Variants in DAPK3 observed in about 807,000 individuals in gnomAD.
The protein encoded by DAPK3 is death associated protein kinase 3.
A neutral mutation model predicts 30.6 loss-of-function variants in DAPK3; 24 were observed. The observed-to-expected ratio is 0.78, with a 90% CI of 0.57 to 1.10. The LOEUF is 1.10. DAPK3 is among the 50% of genes least tolerant of loss of function. DAPK3 has a pLI of 0.00. For missense variants in DAPK3, 629 were observed against 657.3 expected (o/e 0.96, Z 0.47); for synonymous variants, 341 against 284.0 (o/e 1.20, Z -2.02).
chr19:3,961,357 C>T (rs948758601), intron 6 of DAPK3, 196 bp from the exon 7 acceptor site: 8 of 727,298 alleles, frequency 1.1e-5, no homozygotes, highest in African/African-American at 1.7e-5. Flanking sequence ...AATCCACCCC[C>T]CCACCCCGCC....
rs771988226 is a variant in DAPK3, at chr19:3,959,590, G to A, written c.876C>T (p.Pro292=). The change falls in exon 9 of 9, where the codon CCC becomes CCT. Residue 292 remains proline, a synonymous_variant. Coordinates refer to ENST00000545797, the MANE Select transcript of DAPK3 (RefSeq NM_001348.3). ...GCGTGGTCTTCAGGCGCCGCCGCTC[G>A]GGCTTGCGGCCGCTGTCCTCACCAC... The part of the protein sequence containing the change: ...NVRGEDSGRK[P]ERRRLKTTRL... 8 of 1,586,586 alleles carry A rather than the reference G, an allele frequency of 5.0e-6. No homozygotes were observed. In the African/African-American group the frequency reaches 8.0e-5, roughly 16 times the overall value.
chr19:3,960,712 G>C (rs1174399503), intron 7 of DAPK3, among the ~76,000 whole-genome samples: 1 of 149,042 alleles, frequency 6.7e-6, no homozygotes, highest in East Asian at 2.0e-4. Flanking sequence ...CCGGGAGGCA[G>C]AGGCTGCAGT....
chr19:3,967,094 CA>C (rs2039585906), intron 2 of DAPK3, among the ~76,000 whole-genome samples: 1 of 152,190 alleles, frequency 6.6e-6, no homozygotes, highest in Admixed American at 6.5e-5. Context: ...ACAACCCAGA[CA>C]CGACCCAAGC....
chr19:3,967,994 A>C (rs1468639889), intron 2 of DAPK3, among the ~76,000 whole-genome samples: 1 of 152,144 alleles, frequency 6.6e-6, no homozygotes, highest in African/African-American at 2.4e-5. Flanking sequence ...TAAAATTATG[A>C]ATTTCTGTTT....
chr19:3,965,460 T>C (rs2039567515), intron 2 of DAPK3, among the ~76,000 whole-genome samples: 1 of 151,910 alleles, frequency 6.6e-6, no homozygotes, highest in African/African-American at 2.4e-5. Flanking sequence ...CTACCAAAAA[T>C]ACAAAAAATT....
At position 3,964,635 on chromosome 19, in the gene DAPK3, A is replaced by G; in HGVS notation, c.419T>C (p.Leu140Pro). The G allele has an allele frequency of 6.4e-7, 1 of 1,572,782 alleles. No individual in the cohort carries two copies. Among genetic ancestry groups the G allele is most frequent in the South Asian group, 1.1e-5 (1 of 90,382 alleles). Residue 140 changes from leucine to proline, a missense_variant, in exon 3 of 9, where the codon CTG becomes CCG. By Grantham distance (98) the Leu-to-Pro change is moderately conservative. This residue lies in a region of DAPK3 where 306 missense variants were observed against 378.5 expected (regional missense o/e 0.81). Transcript: ENST00000545797. ...ACAGGGCCCTACAGGGCTCACCTTC[A>G]GGTCAAAGTGTGCGATGCGCTTAGA... ...LHSKRIAHFD[L>P]KPENIMLLDK...
intron 8 of DAPK3, 163 bp from the exon 9 acceptor site, chr19:3,959,800 G>T (rs1159910372): frequency 1.2e-6 from 1 of 843,230 alleles, no homozygotes; most frequent in Non-Finnish European, 1.8e-6. Flanking sequence ...GTGCTCTCTC[G>T]AGAAAAACGC....
chr19:3,964,305 G>C lies in DAPK3; in HGVS notation c.492C>G (p.Ile164Met). 6.2e-7 allele frequency: 1 copy of C among 1,613,362 alleles called. No homozygotes were observed. The highest frequency in any genetic ancestry group is 1.1e-5 in the South Asian group (1 of 91,068). Residue 164 changes from isoleucine (I) to methionine (M), a missense_variant, in exon 4 of 9, where the codon ATC becomes ATG. Coordinates refer to ENST00000545797, the MANE Select transcript of DAPK3 (RefSeq NM_001348.3). ...NPRIKLIDFG[I>M]AHKIEAGNEF... ...CGTTCCCCGCCTCGATCTTGTGCGC[G>C]ATGCCGAAGTCGATGAGCTTGATTC...
At position 3,964,882 on chromosome 19, in the gene DAPK3, G is replaced by A. The variant is rs779973024; in HGVS notation, c.172C>T (p.Arg58Trp). 16 of 1,610,844 alleles carry A rather than the reference G, an allele frequency of 9.9e-6. No individual in the cohort carries two copies. Among genetic ancestry groups the A allele is most frequent in the South Asian group, 2.2e-5 (2 of 90,988 alleles). The change falls in exon 3 of 9, where the codon CGG becomes TGG. Residue 58 changes from arginine to tryptophan, a missense_variant. By Grantham distance (101) the Arg-to-Trp change is moderately radical (BLOSUM62 -3). Coordinates refer to ENST00000545797, the MANE Select transcript of DAPK3 (RefSeq NM_001348.3). ...TTCACCTCCCGCTCGATCTCCTCCC[G>A]GCTCACCCCACGCCGGCTGGATGAC... is the stretch of plus-strand genomic sequence containing the variant. ...RLSSSRRGVS[R>W]EEIEREVNIL...
chr19:3,958,537 G>A lies in DAPK3; in HGVS notation c.*564C>T, dbSNP rs1192060876. The A allele has an allele frequency of 2.2e-6, 1 of 456,694 alleles. No homozygotes were observed. The highest frequency in any genetic ancestry group is 1.5e-5 in the South Asian group (1 of 64,548). The allele number at this position is 456,694 out of a possible 1,614,324, so 28.3% of individuals were successfully genotyped here. On this transcript the variant is annotated 3_prime_UTR_variant, in exon 9 of 9. Coordinates refer to ENST00000545797, the MANE Select transcript of DAPK3 (RefSeq NM_001348.3). ...CCACAGGCGCGACGATGGGGCTCGC[G>A]GAGGAGTCCGCAGCAGGGCACCCCA...
chr19:3,959,021 G>A lies in DAPK3; in HGVS notation c.*80C>T. On this transcript the variant is annotated 3_prime_UTR_variant, in exon 9 of 9. Transcript: ENST00000545797. ...GGCAAGGACAGGCACCCGGGCGATG[G>A]GAGGCGCAGCGTCCACAGGAAGCGC... 1 of 917,330 alleles carries A rather than the reference G, an allele frequency of 1.1e-6. No homozygotes were observed. Among genetic ancestry groups the A allele is most frequent in the Non-Finnish European group, 1.6e-6 (1 of 634,108 alleles). The allele number at this position is 917,330 out of a possible 1,614,324, so 56.8% of individuals were successfully genotyped here. A position where few individuals can be genotyped will look rare whatever the true frequency, so the allele number is the denominator to read the frequency against.
rs1366637247 is a variant in DAPK3 at position 3,959,589 on chromosome 19, C to G, written c.877G>C (p.Glu293Gln). 27 of 1,586,192 alleles carry G rather than the reference C, an allele frequency of 1.7e-5. No individual in the cohort carries two copies. Among genetic ancestry groups the G allele is most frequent in the Non-Finnish European group, 2.2e-5 (26 of 1,175,084 alleles). The change falls in exon 9 of 9, where the codon GAG becomes CAG. Residue 293 changes from glutamate (E) to glutamine (Q), a missense_variant. By Grantham distance (29) the Glu-to-Gln change is conservative. This residue lies in a region of DAPK3 where 323 missense variants were observed against 278.8 expected (regional missense o/e 1.16). Transcript: ENST00000545797. Reference protein sequence around the residue: ...VRGEDSGRKPERRRLKTTRLK... With the variant: ...VRGEDSGRKPQRRRLKTTRLK... ...CGCGTGGTCTTCAGGCGCCGCCGCT[C>G]GGGCTTGCGGCCGCTGTCCTCACCA...
In DAPK3 at chr19:3,964,314, G is replaced by A. The variant is rs548354859; in HGVS notation, c.483C>T (p.Asp161=). 8.1e-5 allele frequency: 130 copies of A among 1,613,428 alleles called. No individual in the cohort carries two copies. The South Asian group carries it at 1.3e-3, about 16-fold the overall frequency. Residue 161 remains aspartate, a synonymous_variant, in exon 4 of 9, where the codon GAC becomes GAT. Coordinates refer to ENST00000545797, the MANE Select transcript of DAPK3 (RefSeq NM_001348.3). ...NVPNPRIKLI[D]FGIAHKIEAG... is the part of the protein sequence containing the mutation. The stretch of plus-strand genomic sequence containing the variant: ...CCTCGATCTTGTGCGCGATGCCGAA[G>A]TCGATGAGCTTGATTCGTGGGTTGG...
In DAPK3 at chr19:3,961,292, T is replaced by C; in HGVS notation, c.630-131A>G. 3 of 772,548 alleles carry C rather than the reference T, an allele frequency of 3.9e-6. No homozygotes were observed. In the South Asian group the frequency reaches 4.4e-5, roughly 11 times the overall value. 47.9% of individuals were successfully genotyped at this position (772,548 alleles called of 1,614,324 possible). A position where few individuals can be genotyped will look rare whatever the true frequency, so the allele number is the denominator to read the frequency against. On this transcript the variant is annotated intron_variant, in intron 6 of 8. Coordinates refer to ENST00000545797, the MANE Select transcript of DAPK3 (RefSeq NM_001348.3). ...CAGGTGCCTGGGCCACTCACACTCCTGAGCCCTTAGAACCTTCCTGCAACG... is the reference window on the plus strand; with the variant it reads ...CAGGTGCCTGGGCCACTCACACTCCCGAGCCCTTAGAACCTTCCTGCAACG...
intron 6 of DAPK3, chr19:3,961,417 G>A: frequency 1.6e-6 from 1 of 630,662 alleles, no homozygotes; most frequent in Non-Finnish European, 3.1e-6. Context: ...GAGACTCGAA[G>A]TATCTGTGCA....
chr19:3,964,554 G>A, intron 3 of DAPK3, 77 bp downstream of exon 3: 1 of 1,438,592 alleles, frequency 7.0e-7, no homozygotes, highest in Non-Finnish European at 9.3e-7. Context: ...CGCAGGAGGT[G>A]CCTTCCAGGC....
intron 6 of DAPK3, among the ~76,000 whole-genome samples, chr19:3,962,774 C>T (rs1178001352): frequency 2.4e-5 from 2 of 82,576 alleles, no homozygotes; most frequent in Admixed American, 2.1e-4. Context: ...GCAACAAGAG[C>T]GAAACTCTGT....
At position 3,964,667 on chromosome 19, in the gene DAPK3, G is replaced by A. The variant is rs2039557485; in HGVS notation, c.387C>T (p.Tyr129=). 17 of 1,611,786 alleles carry A rather than the reference G, an allele frequency of 1.1e-5. No individual in the cohort carries two copies. The highest frequency in any genetic ancestry group is 4.4e-5 in the South Asian group (4 of 91,002). ...AGTGTGCGATGCGCTTAGAGTGCAG[G>A]TAGTGAACGCCGTCCAGGATCTGCT... ...FLKQILDGVH[Y]LHSKRIAHFD... Residue 129 remains tyrosine, a synonymous_variant, in exon 3 of 9, where the codon TAC becomes TAT. Coordinates refer to ENST00000545797, the MANE Select transcript of DAPK3 (RefSeq NM_001348.3).
At chr19:3,961,879 G>A (rs1438353419) in intron 6 of DAPK3, 1 of 208,580 alleles carries the variant, frequency 4.8e-6, no homozygotes, top group Non-Finnish European at 1.0e-5. Flanking sequence ...ATTTTTTAGA[G>A]ACGGAGTCTC....
Sources: allele counts gnomAD v4.1 joint callset (sites outside exome capture counted in the v4.1 genomes callset), GRCh38; gene constraint gnomAD v4.1.1; regional missense constraint gnomAD v4.1.1; transcripts MANE v1.5; gene names NCBI Gene and HGNC (gene_info 2026-07-23, HGNC 2026-07-21).